Variants in ZFHX3 observed in about 807,000 individuals in gnomAD.
ZFHX3 encodes zinc finger homeobox protein 3.
Under a neutral mutation model 279.1 loss-of-function variants are expected in ZFHX3, and 42 were observed. That is an observed-to-expected ratio of 0.15 (90% CI 0.12 to 0.19). ZFHX3 has a LOEUF of 0.19. Ranked by LOEUF, ZFHX3 falls within the 10% of genes least tolerant of loss-of-function variation. ZFHX3 has a pLI of 1.00. For missense variants in ZFHX3, 4,981 were observed against 4,754.0 expected (o/e 1.05, Z -1.40); for synonymous variants, 2,293 against 1,957.8 (o/e 1.17, Z -4.52).
intron 3 of ZFHX3, among the ~76,000 whole-genome samples, chr16:73,355,566 G>A (rs1015642827): frequency 2.6e-5 from 4 of 152,058 alleles, no homozygotes; most frequent in Admixed American, 6.6e-5. Context: ...CCTCAACATC[G>A]TCATGTACAG....
chr16:73,382,893 G>A (rs1381610541), intron 3 of ZFHX3, among the ~76,000 whole-genome samples: 1 of 152,196 alleles, frequency 6.6e-6, no homozygotes, highest in African/African-American at 2.4e-5. Flanking sequence ...CCACACCTCA[G>A]TGCTGTTGCC....
chr16:72,903,599 C>A (rs1227629981), intron 3 of ZFHX3, among the ~76,000 whole-genome samples: 2 of 152,118 alleles, frequency 1.3e-5, no homozygotes. Flanking sequence ...TTCTAGCCCA[C>A]CACCCATCTG....
intron 1 of ZFHX3, among the ~76,000 whole-genome samples, chr16:72,986,620 G>A (rs960418283): frequency 1.3e-5 from 2 of 152,148 alleles, no homozygotes; most frequent in Admixed American, 6.5e-5. Flanking sequence ...TCCTCGAGAC[G>A]CAAGTTATTG....
intron 1 of ZFHX3, among the ~76,000 whole-genome samples, chr16:73,811,734 C>G (rs895302830): frequency 1.3e-5 from 2 of 152,078 alleles, no homozygotes; most frequent in Admixed American, 6.5e-5. Context: ...CATGAGCCAC[C>G]GCGCCCGGGC....
intron 4 of ZFHX3, among the ~76,000 whole-genome samples, chr16:73,304,849 G>T (rs1247436670): frequency 2.0e-5 from 3 of 151,988 alleles, no homozygotes; most frequent in Admixed American, 2.0e-4. Context: ...GATCTCTCAG[G>T]GTGCTTTGAG....
In ZFHX3 at chr16:72,829,850, A is replaced by G. The variant is rs752837675; in HGVS notation, c.3458T>C (p.Ile1153Thr). 6 of 1,614,182 alleles carry G rather than the reference A, an allele frequency of 3.7e-6. No homozygotes were observed. The highest frequency in any genetic ancestry group is 2.2e-5 in the East Asian group (1 of 44,882). Residue 1153 changes from isoleucine (I) to threonine (T), a missense_variant, in exon 5 of 10, where the codon ATT becomes ACT. Ile to Thr is a moderately conservative substitution (Grantham distance 89). This residue lies in a region of ZFHX3 where 1,751 missense variants were observed against 1,770.0 expected (regional missense o/e 0.99). Coordinates refer to ENST00000268489, the MANE Select transcript of ZFHX3 (RefSeq NM_006885.4). ...RCPSTDPEEA[I>T]EDVEGPSETA... is the part of the protein sequence containing the mutation. The stretch of plus-strand genomic sequence containing the variant: ...TTCACTGGGTCCTTCAACATCTTCA[A>G]TGGCTTCTTCTGAAACAGAAGAAAA...
intron 1 of ZFHX3, among the ~76,000 whole-genome samples, chr16:72,990,073 C>T (rs1479878792): frequency 6.6e-6 from 1 of 152,094 alleles, no homozygotes; most frequent in African/African-American, 2.4e-5. Context: ...TTTTTCCCCC[C>T]ACCGTTTCTG....
chr16:73,841,275 A>G (rs1456611711), intron 1 of ZFHX3, among the ~76,000 whole-genome samples: 1 of 152,184 alleles, frequency 6.6e-6, no homozygotes. Flanking sequence ...CATCACAAGG[A>G]AAGTATTTAC....
At chr16:73,256,047 G>C (rs1251399235) in intron 5 of ZFHX3, among the ~76,000 whole-genome samples, 1 of 152,196 alleles carries the variant, frequency 6.6e-6, no homozygotes, top group Non-Finnish European at 1.5e-5. Flanking sequence ...CGACGGCAAA[G>C]CTCATTGCAA....
intron 3 of ZFHX3, among the ~76,000 whole-genome samples, chr16:72,943,611 T>C (rs1006708150): frequency 6.6e-6 from 1 of 152,196 alleles, no homozygotes; most frequent in African/African-American, 2.4e-5. Context: ...AAAAGGGACT[T>C]ACTTTAGAAC....
chr16:73,820,970 G>T (rs1308903142), intron 1 of ZFHX3, among the ~76,000 whole-genome samples: 1 of 151,926 alleles, frequency 6.6e-6, no homozygotes, highest in Non-Finnish European at 1.5e-5. Flanking sequence ...TGTCATTCTT[G>T]CAGTCAACTT....
At chr16:73,079,099 A>G (rs1965917586) in intron 8 of ZFHX3, among the ~76,000 whole-genome samples, 1 of 151,882 alleles carries the variant, frequency 6.6e-6, no homozygotes, top group South Asian at 2.1e-4. Flanking sequence ...TCCACTGCAA[A>G]TCTTCCCTGA....
In ZFHX3 at chr16:73,184,317, T is replaced by C. The variant is rs563216825; in HGVS notation, c.-1103-40486A>G. Among the ~76,000 whole-genome samples the C allele has an allele frequency of 8.5e-5, 13 of 152,354 alleles. 1 individual carries two copies. In the South Asian group the frequency reaches 2.7e-3, roughly 32 times the overall value. Reference sequence around the variant, plus strand: ...AGCAATGCAGCCACCTGCAGACCTTTGCAGCCAATGTGAATCCAAGCGAGG... The same window carrying C: ...AGCAATGCAGCCACCTGCAGACCTTCGCAGCCAATGTGAATCCAAGCGAGG... On this transcript the variant is annotated intron_variant, in intron 5 of 17. Coordinates refer to the ZFHX3 transcript ENST00000641206.
intron 2 of ZFHX3, among the ~76,000 whole-genome samples, chr16:73,459,017 C>A (rs2018425505): frequency 6.6e-6 from 1 of 152,188 alleles, no homozygotes; most frequent in Non-Finnish European, 1.5e-5. Context: ...TTCTATCACA[C>A]CTATCTGCCC....
chr16:73,162,813 T>C (rs1967269810), intron 5 of ZFHX3, among the ~76,000 whole-genome samples: 1 of 152,150 alleles, frequency 6.6e-6, no homozygotes, highest in Non-Finnish European at 1.5e-5. Flanking sequence ...TAAATCTAAA[T>C]GAGAAACAAA....
chr16:72,842,353 G>C (rs373961556), intron 4 of ZFHX3, among the ~76,000 whole-genome samples: 3 of 152,204 alleles, frequency 2.0e-5, no homozygotes, highest in African/African-American at 7.2e-5. Flanking sequence ...AAAGTGTTGG[G>C]ATTAGAAGTG....
chr16:73,707,996 T>A (rs1268696708), intron 1 of ZFHX3, among the ~76,000 whole-genome samples: 1 of 151,696 alleles, frequency 6.6e-6, no homozygotes, highest in East Asian at 2.0e-4. Flanking sequence ...ATATTCAGAT[T>A]TGGCAGAGCT....
At chr16:73,812,778 C>T (rs1960460043) in intron 1 of ZFHX3, 1 of 152,212 alleles carries the variant, frequency 6.6e-6, no homozygotes. Context: ...CAGATGAACA[C>T]ACGAAGACTG....
chr16:73,500,814 G>C (rs901897072), intron 2 of ZFHX3, among the ~76,000 whole-genome samples: 2 of 151,744 alleles, frequency 1.3e-5, no homozygotes, highest in African/African-American at 4.8e-5. Context: ...GTTTATAAAG[G>C]AAAAAAGTTA....
Sources: allele counts gnomAD v4.1 joint callset (sites outside exome capture counted in the v4.1 genomes callset), GRCh38; gene constraint gnomAD v4.1.1; regional missense constraint gnomAD v4.1.1; transcripts MANE v1.5; gene names NCBI Gene and HGNC (gene_info 2026-07-23, HGNC 2026-07-21).